Variants in MSRA observed in about 807,000 individuals in gnomAD.
MSRA encodes the protein methionine sulfoxide reductase A.
A neutral mutation model predicts 31.3 loss-of-function variants in MSRA; 54 were observed. The observed-to-expected ratio is 1.73, with a 90% CI of 1.39 to 2.17. The LOEUF (loss-of-function observed/expected upper bound fraction) is 2.17, where lower values mean the gene tolerates loss of function less well. Ranked by LOEUF, MSRA falls within the 30% of genes most tolerant of loss-of-function variation. MSRA has a pLI of 0.00. For synonymous variants in MSRA, 169 were observed against 116.5 expected (o/e 1.45, Z -2.90); for missense variants, 507 against 300.9 (o/e 1.69, Z -5.07).
chr8:10,257,833 T>C (rs1445785326), intron 3 of MSRA, among the ~76,000 whole-genome samples: 2 of 152,192 alleles, frequency 1.3e-5, no homozygotes, highest in South Asian at 4.1e-4. Flanking sequence ...TAATTCTATT[T>C]TTCTGACAGG....
At chr8:10,379,962 A>G (rs558318223) in intron 5 of MSRA, among the ~76,000 whole-genome samples, 1 of 152,230 alleles carries the variant, frequency 6.6e-6, no homozygotes, top group Non-Finnish European at 1.5e-5. Flanking sequence ...ATTGGGCCAG[A>G]CGATACGAGA....
chr8:10,337,529 C>G, intron 5 of MSRA: 3 of 589,428 alleles, frequency 5.1e-6, no homozygotes, highest in Non-Finnish European at 9.1e-6. Flanking sequence ...TGCTACTAGG[C>G]TACAGAAAGC....
intron 5 of MSRA, among the ~76,000 whole-genome samples, chr8:10,402,234 A>C (rs116691592): frequency 6.6e-6 from 1 of 152,130 alleles, no homozygotes; most frequent in Non-Finnish European, 1.5e-5. Context: ...ACATTTGGCT[A>C]TGAAGGTATT....
chr8:10,213,191 C>G (rs1041359435), intron 2 of MSRA, among the ~76,000 whole-genome samples: 1 of 152,132 alleles, frequency 6.6e-6, no homozygotes, highest in African/African-American at 2.4e-5. Flanking sequence ...TCCTGTACCC[C>G]TACTACCTAC....
At chr8:10,096,303 A>G (rs1314900762) in intron 1 of MSRA, 3 of 1,112,088 alleles carry the variant, frequency 2.7e-6, no homozygotes, top group Admixed American at 4.8e-5. Context: ...CTTCGCTTGA[A>G]GGGCAAACAA....
chr8:10,250,676 C>G (rs908506617), intron 3 of MSRA: 1 of 566,802 alleles, frequency 1.8e-6, no homozygotes, highest in African/African-American at 1.9e-5. Context: ...TGTGGGAGTC[C>G]TCGTGTGACC....
chr8:10,396,684 G>C (rs1322906545), intron 5 of MSRA, among the ~76,000 whole-genome samples: 1 of 152,194 alleles, frequency 6.6e-6, no homozygotes, highest in Non-Finnish European at 1.5e-5. Flanking sequence ...CTTTCCCCAA[G>C]GGAACTGCCC....
chr8:10,130,532 C>G (rs532722977), intron 1 of MSRA, among the ~76,000 whole-genome samples: 1 of 152,168 alleles, frequency 6.6e-6, no homozygotes, highest in East Asian at 1.9e-4. Context: ...GACATTCTTT[C>G]ACTGGGAAGC....
intron 4 of MSRA, among the ~76,000 whole-genome samples, chr8:10,303,133 T>G (rs1280675982): frequency 2.6e-5 from 4 of 152,194 alleles, no homozygotes; most frequent in Non-Finnish European, 5.9e-5. Context: ...AGTGAAGACA[T>G]GTATCAGAGG....
chr8:10,404,328 C>G (rs559844254), intron 5 of MSRA, among the ~76,000 whole-genome samples: 1 of 152,316 alleles, frequency 6.6e-6, no homozygotes, highest in Non-Finnish European at 1.5e-5. Context: ...ACACTAGATG[C>G]CTTTCTCCCC....
intron 1 of MSRA, among the ~76,000 whole-genome samples, chr8:10,127,791 A>C (rs1278198304): frequency 1.3e-5 from 2 of 152,230 alleles, no homozygotes; most frequent in Non-Finnish European, 2.9e-5. Flanking sequence ...GAATGAGTGC[A>C]AGTAAAGGCA....
chr8:10,259,394 CA>C (rs1798351037), intron 3 of MSRA, among the ~76,000 whole-genome samples: 1 of 152,144 alleles, frequency 6.6e-6, no homozygotes, highest in Non-Finnish European at 1.5e-5. Flanking sequence ...AGTTAATTCA[CA>C]GGTTGGTGAA....
At chr8:10,155,002 T>TTTTATATATATATATATATATA (rs1554468812) in intron 1 of MSRA, among the ~76,000 whole-genome samples, 1 of 123,900 alleles carries the variant, frequency 8.1e-6, no homozygotes, top group African/African-American at 3.2e-5. Flanking sequence ...TGTATATATT[T>TTTTATATATATATATATATATA]TATATATATA....
At chr8:10,216,475 G>T (rs1810000693) in intron 2 of MSRA, among the ~76,000 whole-genome samples, 1 of 152,176 alleles carries the variant, frequency 6.6e-6, no homozygotes, top group South Asian at 2.1e-4. Context: ...GTCCAGTGGT[G>T]TTAAGTACCT....
chr8:10,123,314 C>T (rs1397593730), intron 1 of MSRA, among the ~76,000 whole-genome samples: 3 of 152,180 alleles, frequency 2.0e-5, no homozygotes, highest in Non-Finnish European at 4.4e-5. Flanking sequence ...TTGTTGGCTG[C>T]ATGTATGTTG....
At chr8:10,356,611 G>A (rs1472293767) in intron 5 of MSRA, among the ~76,000 whole-genome samples, 1 of 152,200 alleles carries the variant, frequency 6.6e-6, no homozygotes, top group Non-Finnish European at 1.5e-5. Flanking sequence ...CCTTTGAAAG[G>A]TGATTTGGTT....
chr8:10,314,320 G>T (rs1442262145), intron 4 of MSRA, among the ~76,000 whole-genome samples: 2 of 152,092 alleles, frequency 1.3e-5, no homozygotes, highest in Non-Finnish European at 2.9e-5. Flanking sequence ...TGTATGTGCA[G>T]TATTTTTTTT....
intron 5 of MSRA, among the ~76,000 whole-genome samples, chr8:10,323,730 C>T (rs183666779): frequency 5.2e-5 from 6 of 114,878 alleles, no homozygotes; most frequent in Admixed American, 9.5e-5. Flanking sequence ...AACCCAAGCA[C>T]ATGGGAATTA....
intron 1 of MSRA, among the ~76,000 whole-genome samples, chr8:10,113,825 A>C (rs184760362): frequency 2.6e-5 from 4 of 152,080 alleles, no homozygotes; most frequent in African/African-American, 9.7e-5. Context: ...CACATACTGT[A>C]GAGTTCTCCA....
Sources: gnomAD v4.1 joint callset for allele counts (sites outside exome capture counted in the v4.1 genomes callset) on GRCh38, gnomAD v4.1.1 for gene constraint, MANE v1.5 for transcripts, NCBI Gene and HGNC (gene_info 2026-07-23, HGNC 2026-07-21) for gene names.